Variants in ATP2B2 observed in about 807,000 individuals in gnomAD.
The protein encoded by ATP2B2 is ATPase plasma membrane Ca2+ transporting 2, also known as plasma membrane calcium-transporting ATPase 2.
In ATP2B2, 15 loss-of-function variants were observed where a neutral mutation model predicts 120.0. The observed-to-expected ratio is 0.12, with a 90% confidence interval of 0.08 to 0.19. ATP2B2 has a LOEUF of 0.19. Ranked by LOEUF, ATP2B2 falls within the 10% of genes least tolerant of loss-of-function variation. ATP2B2 has a pLI of 1.00. For synonymous variants in ATP2B2, 694 were observed against 700.3 expected (o/e 0.99, Z 0.14); for missense variants, 1,045 against 1,719.8 (o/e 0.61, Z 6.94).
intron 5 of ATP2B2, among the ~76,000 whole-genome samples, chr3:10,400,470 T>A (rs912782501): frequency 6.6e-5 from 10 of 152,200 alleles, no homozygotes; most frequent in African/African-American, 1.9e-4. Context: ...TTCACACACT[T>A]CTCTGCTCAG....
chr3:10,673,967 T>G (rs1216572407), intron 1 of ATP2B2, among the ~76,000 whole-genome samples: 1 of 151,904 alleles, frequency 6.6e-6, no homozygotes, highest in African/African-American at 2.4e-5. Context: ...TTTCTCACAC[T>G]TTCCATAATA....
rs1458547462 is a variant in ATP2B2, at chr3:10,635,333, T to C, written c.-459-15372A>G. ...GGGTTTGGAGTCTCTGGTTGAGAGT[T>C]CCAGTGGTTAGGAATGTTGCACCCC... On this transcript the variant is annotated intron_variant, in intron 1 of 21. Coordinates refer to the ATP2B2 transcript ENST00000646379. This position sits in a 1 kb window ranked among gnomAD's most constrained non-coding sequence, Gnocchi z 4.3. 1.3e-5 allele frequency among the ~76,000 whole-genome samples: 2 copies of C among 152,110 alleles called. No individual in the cohort carries two copies. Among genetic ancestry groups the C allele is most frequent in the African/African-American group, 4.8e-5 (2 of 41,430 alleles).
intron 2 of ATP2B2, among the ~76,000 whole-genome samples, chr3:10,421,632 C>T (rs1026599087): frequency 8.5e-5 from 13 of 152,192 alleles, no homozygotes; most frequent in Non-Finnish European, 1.8e-4. Flanking sequence ...TGCCCTGATC[C>T]GCAACCTTCC....
chr3:10,646,042 G>A (rs958316899), intron 1 of ATP2B2, among the ~76,000 whole-genome samples: 5 of 152,104 alleles, frequency 3.3e-5, no homozygotes, highest in East Asian at 1.9e-4. Flanking sequence ...TATCACAGGC[G>A]ACCTGAGAGC....
intron 2 of ATP2B2, among the ~76,000 whole-genome samples, chr3:10,567,973 TA>T (rs1273000526): frequency 6.6e-6 from 1 of 152,236 alleles, no homozygotes; most frequent in Non-Finnish European, 1.5e-5. Context: ...TGAGAAGGGC[TA>T]AGACAGTATA....
chr3:10,689,630 C>A (rs2071608656), intron 1 of ATP2B2, among the ~76,000 whole-genome samples: 1 of 152,158 alleles, frequency 6.6e-6, no homozygotes, highest in Non-Finnish European at 1.5e-5. Flanking sequence ...AAAAGGGCCT[C>A]CTTTCTCTTA....
intron 2 of ATP2B2, among the ~76,000 whole-genome samples, chr3:10,579,809 T>TCAAAA: frequency 1.8e-5 from 1 of 55,386 alleles, no homozygotes; most frequent in East Asian, 2.0e-3. Context: ...GACTCCGTCT[T>TCAAAA]GAAAACAAAA....
chr3:10,352,383 G>A (rs2060603184), intron 14 of ATP2B2, among the ~76,000 whole-genome samples: 1 of 152,252 alleles, frequency 6.6e-6, no homozygotes, highest in South Asian at 2.1e-4. Flanking sequence ...ATGCCTTCAA[G>A]AGGAAACCCG....
At chr3:10,539,304 A>C (rs1226282050) in intron 2 of ATP2B2, among the ~76,000 whole-genome samples, 2 of 152,344 alleles carry the variant, frequency 1.3e-5, no homozygotes, top group East Asian at 3.9e-4. Flanking sequence ...TGCCCAAGGT[A>C]ATTTATAGAT....
chr3:10,453,469 G>A (rs2064138351), intron 1 of ATP2B2, among the ~76,000 whole-genome samples: 1 of 152,176 alleles, frequency 6.6e-6, no homozygotes, highest in Admixed American at 6.5e-5. Flanking sequence ...ATTAGTGAGT[G>A]GTGGATCTGG....
chr3:10,372,108 G>A lies in ATP2B2; in HGVS notation c.1417-57C>T, dbSNP rs556628127. ...TGAGGAGAGGGGCTGGGGAGCATGGGGTGCCTGGAGGCACTGGGTAAACAT... is the reference window on the plus strand; with the variant it reads ...TGAGGAGAGGGGCTGGGGAGCATGGAGTGCCTGGAGGCACTGGGTAAACAT... On this transcript the variant is annotated intron_variant, in intron 11 of 22. Transcript: ENST00000360273. 1.6e-4 allele frequency: 251 copies of A among 1,612,262 alleles called. 6 individuals are homozygous for A. The South Asian group carries it at 2.7e-3, about 17-fold the overall frequency.
Position 10,371,689 on chromosome 3 carries a change from C to G in ATP2B2, c.1659+120G>C. 11 of 1,481,500 alleles carry G rather than the reference C, an allele frequency of 7.4e-6. No homozygotes were observed. In the South Asian group the frequency reaches 1.3e-4, roughly 18 times the overall value. The allele number at this position is 1,481,500 out of a possible 1,614,324, so 91.8% of individuals were successfully genotyped here. ...AGAAACATGTTGCTTACTATCTGACCATACCAAAATATATTAGCAGGATTT... is the reference window on the plus strand; with the variant it reads ...AGAAACATGTTGCTTACTATCTGACGATACCAAAATATATTAGCAGGATTT... On this transcript the variant is annotated intron_variant, in intron 12 of 22. Coordinates refer to ENST00000360273, the MANE Select transcript of ATP2B2 (RefSeq NM_001001331.4).
intron 8 of ATP2B2, among the ~76,000 whole-genome samples, chr3:10,381,028 G>A (rs1404783661): frequency 2.0e-5 from 3 of 152,224 alleles, no homozygotes; most frequent in African/African-American, 4.8e-5. Context: ...CTGAATTTAG[G>A]AGCATCCTCG....
chr3:10,638,230 A>C (rs946901375), intron 1 of ATP2B2, among the ~76,000 whole-genome samples: 1 of 152,196 alleles, frequency 6.6e-6, no homozygotes, highest in Non-Finnish European at 1.5e-5. Context: ...AGGCAAATAT[A>C]TAGGATTTAA....
At chr3:10,423,836 C>T (rs1000594566) in intron 2 of ATP2B2, among the ~76,000 whole-genome samples, 1 of 152,214 alleles carries the variant, frequency 6.6e-6, no homozygotes, top group African/African-American at 2.4e-5. Flanking sequence ...TATCCACAAA[C>T]TGGGGGAGAG....
rs147027848 is a variant in ATP2B2, at chr3:10,451,115, C to T, written c.-319-1253G>A. On this transcript the variant is annotated intron_variant, in intron 1 of 22. Coordinates refer to ENST00000360273, the MANE Select transcript of ATP2B2 (RefSeq NM_001001331.4). ...TCTAGGGCTAAGTCACTTTCCCAGC[C>T]GGGAACTTGAAGCTCAGAGAGGGAA... Among the ~76,000 whole-genome samples the T allele has an allele frequency of 6.9e-3, 1,050 of 152,324 alleles. 12 individuals carry two copies. Among genetic ancestry groups the T allele is most frequent in the Non-Finnish European group, 0.011 (736 of 68,022 alleles).
chr3:10,660,122 C>T (rs1180189627), intron 1 of ATP2B2, among the ~76,000 whole-genome samples: 1 of 152,156 alleles, frequency 6.6e-6, no homozygotes, highest in Non-Finnish European at 1.5e-5. Context: ...ATTTATAGCA[C>T]TAAATGCCCA....
At chr3:10,685,133 T>C (rs147566467) in intron 1 of ATP2B2, among the ~76,000 whole-genome samples, 1 of 152,294 alleles carries the variant, frequency 6.6e-6, no homozygotes, top group African/African-American at 2.4e-5. Context: ...GTAAAACGGG[T>C]GTGCTAAGTC....
At chr3:10,502,189 T>C (rs1389715495) in intron 1 of ATP2B2, among the ~76,000 whole-genome samples, 1 of 152,142 alleles carries the variant, frequency 6.6e-6, no homozygotes, top group African/African-American at 2.4e-5. Context: ...GATCTCAGAG[T>C]TGGCCAGTTG....
Sources: allele counts gnomAD v4.1 joint callset (sites outside exome capture counted in the v4.1 genomes callset), GRCh38; gene constraint gnomAD v4.1.1; non-coding constraint Gnocchi (gnomAD v3.1); transcripts MANE v1.5; gene names NCBI Gene and HGNC (gene_info 2026-07-23, HGNC 2026-07-21).